The following FAM168A variants were observed in gnomAD, a reference collection of about 807,000 sequenced individuals.
The protein encoded by FAM168A is protein FAM168A.
A neutral mutation model predicts 28.5 loss-of-function variants in FAM168A; 3 were observed. That is an observed-to-expected ratio of 0.11 (90% CI 0.05 to 0.27). The LOEUF (loss-of-function observed/expected upper bound fraction) is 0.27, where lower values mean the gene tolerates loss of function less well. Among genes scored for constraint, FAM168A ranks in the 10% least tolerant of loss-of-function variants. FAM168A has a pLI of 1.00. For synonymous variants in FAM168A, 122 were observed against 124.2 expected (o/e 0.98, Z 0.12); for missense variants, 222 against 311.5 (o/e 0.71, Z 2.16).
intron 6 of FAM168A, among the ~76,000 whole-genome samples, chr11:73,408,873 C>T (rs1008325723): frequency 2.6e-5 from 4 of 152,006 alleles, no homozygotes; most frequent in African/African-American, 9.7e-5. Flanking sequence ...TCCTTAAGCT[C>T]CTGCCTAATA....
intron 2 of FAM168A, among the ~76,000 whole-genome samples, chr11:73,457,236 T>TA (rs59088347): frequency 2.0e-5 from 3 of 151,150 alleles, no homozygotes; most frequent in African/African-American, 7.3e-5. Context: ...TTTTTTTTTT[T>TA]AAATTAGCCA....
intron 1 of FAM168A, among the ~76,000 whole-genome samples, chr11:73,535,315 A>G (rs1943563205): frequency 6.6e-6 from 1 of 151,796 alleles, no homozygotes; most frequent in Non-Finnish European, 1.5e-5. Flanking sequence ...ATCACAGCTC[A>G]CTGCAGCCTT....
intron 1 of FAM168A, among the ~76,000 whole-genome samples, chr11:73,571,234 T>TCC (rs375850220): frequency 4.0e-5 from 2 of 49,520 alleles, no homozygotes; most frequent in East Asian, 2.7e-3. Context: ...CCCCTCCCCC[T>TCC]CCCCCCCCCC....
chr11:73,584,759 G>A (rs1302710458), intron 1 of FAM168A, among the ~76,000 whole-genome samples: 1 of 152,054 alleles, frequency 6.6e-6, no homozygotes, highest in East Asian at 1.9e-4. Context: ...TTACACGCGT[G>A]AGCCACCATG....
intron 1 of FAM168A, among the ~76,000 whole-genome samples, chr11:73,489,821 T>TTCAA (rs1868105391): frequency 6.6e-6 from 1 of 152,204 alleles, no homozygotes; most frequent in Non-Finnish European, 1.5e-5. Context: ...CTCCCCTCTT[T>TTCAA]TCAATACTTT....
intron 2 of FAM168A, among the ~76,000 whole-genome samples, chr11:73,436,867 T>C (rs1867095517): frequency 6.6e-6 from 1 of 152,192 alleles, no homozygotes; most frequent in Non-Finnish European, 1.5e-5. Flanking sequence ...AAAAGGAAAT[T>C]ACTCTGGAGA....
At chr11:73,410,766 T>C (rs1314612380) in intron 5 of FAM168A, 1 of 152,240 alleles carries the variant, frequency 6.6e-6, no homozygotes, top group Non-Finnish European at 1.5e-5. Flanking sequence ...CACTTATGTT[T>C]CCTATAGAGT....
intron 3 of FAM168A, chr11:73,425,107 A>G: frequency 3.9e-6 from 5 of 1,278,452 alleles, no homozygotes; most frequent in Non-Finnish European, 5.3e-6. Flanking sequence ...AGTTGTATAC[A>G]TTGCAGTTAC....
intron 1 of FAM168A, among the ~76,000 whole-genome samples, chr11:73,493,006 CAG>C (rs1854783105): frequency 6.6e-6 from 1 of 152,102 alleles, no homozygotes. Context: ...ATGGCAACAA[CAG>C]ACCTTGGGCT....
Position 73,408,697 on chromosome 11 carries a change from T to A in FAM168A, c.595+790A>T, listed in dbSNP as rs534169248. On this transcript the variant is annotated intron_variant, in intron 6 of 7. Transcript: ENST00000356467. ...TGGGAGGCTGAGGTGGGAAGATCAC[T>A]TGAGCCCAAGCAGATCAAGACTGCA... 4.0e-5 allele frequency among the ~76,000 whole-genome samples: 6 copies of A among 151,554 alleles called. No individual in the cohort carries two copies. In the East Asian group the frequency reaches 1.2e-3, roughly 29 times the overall value.
chr11:73,495,395 A>G (rs1854851958), intron 1 of FAM168A, among the ~76,000 whole-genome samples: 1 of 152,200 alleles, frequency 6.6e-6, no homozygotes, highest in African/African-American at 2.4e-5. Context: ...GAATAACCCA[A>G]TCAAGAACAA....
rs769417688 is a variant in FAM168A at position 73,430,758 on chromosome 11, G to A, written c.83C>T (p.Ala28Val). 6.2e-7 allele frequency: 1 copy of A among 1,612,224 alleles called. No individual in the cohort carries two copies. Among genetic ancestry groups the A allele is most frequent in the Non-Finnish European group, 8.5e-7 (1 of 1,179,056 alleles). Residue 28 changes from alanine (A) to valine (V), a missense_variant, in exon 3 of 8, where the codon GCC becomes GTC. Physicochemically the swap from Ala to Val is moderately conservative, Grantham distance 64. Transcript: ENST00000356467. ...KNMAYTGYPT[A>V]YPAAAPAYNP... ...GTAGGCAGGGGCAGCTGCTGGATAG[G>A]CTGTGGGGTAACCTACAGAGAGATA...
At chr11:73,446,466 G>A (rs1200614264) in intron 2 of FAM168A, among the ~76,000 whole-genome samples, 1 of 152,132 alleles carries the variant, frequency 6.6e-6, no homozygotes, top group Non-Finnish European at 1.5e-5. Flanking sequence ...TTCCTCAAGG[G>A]ATATGAGAAA....
chr11:73,429,170 C>G (rs765143323), intron 3 of FAM168A, among the ~76,000 whole-genome samples: 1 of 152,082 alleles, frequency 6.6e-6, no homozygotes, highest in Non-Finnish European at 1.5e-5. Flanking sequence ...TTCAGACAAC[C>G]TGTATTCTTT....
chr11:73,497,727 G>A (rs1178219379), intron 1 of FAM168A, among the ~76,000 whole-genome samples: 1 of 151,852 alleles, frequency 6.6e-6, no homozygotes, highest in Non-Finnish European at 1.5e-5. Flanking sequence ...ACAGAGCAGG[G>A]AACATCACAC....
At chr11:73,572,747 A>G (rs58545288) in intron 1 of FAM168A, among the ~76,000 whole-genome samples, 11,131 of 150,146 alleles carry the variant, frequency 0.074, 453 homozygotes, top group Non-Finnish European at 0.1. Context: ...GCGGAAGGCC[A>G]CAGGGTCCTC....
intron 1 of FAM168A, among the ~76,000 whole-genome samples, chr11:73,555,267 G>A (rs951813796): frequency 1.3e-5 from 2 of 152,168 alleles, no homozygotes; most frequent in East Asian, 1.9e-4. Context: ...AAGCCAAGCA[G>A]CTATACATGA....
At chr11:73,534,618 G>A (rs537994177) in intron 1 of FAM168A, among the ~76,000 whole-genome samples, 1 of 152,028 alleles carries the variant, frequency 6.6e-6, no homozygotes, top group African/African-American at 2.4e-5. Flanking sequence ...GGCCAGGCTG[G>A]TCTCGAACTC....
At chr11:73,522,042 A>G (rs1389911330) in intron 1 of FAM168A, among the ~76,000 whole-genome samples, 1 of 152,174 alleles carries the variant, frequency 6.6e-6, no homozygotes, top group East Asian at 1.9e-4. Flanking sequence ...AAAACCAAGG[A>G]AAGTAATGGA....
Sources: allele counts gnomAD v4.1 joint callset (sites outside exome capture counted in the v4.1 genomes callset), GRCh38; gene constraint gnomAD v4.1.1; transcripts MANE v1.5; gene names NCBI Gene and HGNC (gene_info 2026-07-23, HGNC 2026-07-21).